CAPN13: variants seen among roughly 807,000 people sequenced by gnomAD.
CAPN13 encodes calpain 13.
A neutral mutation model predicts 98.4 loss-of-function variants in CAPN13; 90 were observed. The observed-to-expected ratio is 0.92, with a 90% CI of 0.77 to 1.09. The LOEUF is 1.09. Among genes scored for constraint, CAPN13 ranks in the 50% least tolerant of loss-of-function variants. The pLI is 0.00. For missense variants in CAPN13, 887 were observed against 841.3 expected, an observed-to-expected ratio of 1.05 and a Z score of -0.67; for synonymous variants, 330 against 305.5, an observed-to-expected ratio of 1.08 and a Z score of -0.84.
intron 1 of CAPN13, among the ~76,000 whole-genome samples, chr2:30,793,856 G>A (rs912260494): frequency 1.3e-5 from 2 of 151,692 alleles, no homozygotes; most frequent in African/African-American, 4.8e-5. Flanking sequence ...AATGGTGCTG[G>A]ATCAACAGGA....
At chr2:30,778,082 T>C (rs1191786594) in intron 2 of CAPN13, among the ~76,000 whole-genome samples, 1 of 152,200 alleles carries the variant, frequency 6.6e-6, no homozygotes, top group Non-Finnish European at 1.5e-5. Flanking sequence ...GAAATTAGCA[T>C]AGGTATTTTG....
chr2:30,743,068 T>C (rs376777757), intron 13 of CAPN13: 4 of 359,794 alleles, frequency 1.1e-5, no homozygotes, highest in Middle Eastern at 1.6e-3. Flanking sequence ...TATTAAATTA[T>C]GTTTTTCTTC....
At chr2:30,792,253 A>G (rs1407646996) in intron 1 of CAPN13, among the ~76,000 whole-genome samples, 1 of 152,160 alleles carries the variant, frequency 6.6e-6, no homozygotes, top group Non-Finnish European at 1.5e-5. Context: ...AACAGATAAA[A>G]TGAGCAAAGC....
At chr2:30,792,565 C>T (rs1259567853) in intron 1 of CAPN13, among the ~76,000 whole-genome samples, 2 of 151,938 alleles carry the variant, frequency 1.3e-5, no homozygotes, top group Non-Finnish European at 1.5e-5. Flanking sequence ...ATTTACTATC[C>T]AAAGCTTTCT....
intron 2 of CAPN13, among the ~76,000 whole-genome samples, chr2:30,784,640 C>T (rs1674166908): frequency 6.6e-6 from 1 of 152,164 alleles, no homozygotes; most frequent in Non-Finnish European, 1.5e-5. Context: ...CAGAATAGGA[C>T]ATAAGCTTAT....
intron 5 of CAPN13, among the ~76,000 whole-genome samples, chr2:30,767,318 C>T (rs774012641): frequency 1.4e-4 from 22 of 152,174 alleles, no homozygotes; most frequent in Non-Finnish European, 3.1e-4. Context: ...ACCTTTTAAA[C>T]AGCTTTAATA....
At chr2:30,747,612 C>G (rs1389416271) in intron 11 of CAPN13, among the ~76,000 whole-genome samples, 1 of 152,184 alleles carries the variant, frequency 6.6e-6, no homozygotes, top group Non-Finnish European at 1.5e-5. Flanking sequence ...TAAAGCAGAG[C>G]AGTGCTCCCA....
intron 11 of CAPN13, among the ~76,000 whole-genome samples, chr2:30,748,357 A>G (rs1460960301): frequency 6.6e-6 from 1 of 152,200 alleles, no homozygotes; most frequent in African/African-American, 2.4e-5. Context: ...CCTGGAAACT[A>G]TCTCAGGCTG....
chr2:30,800,314 A>T (rs1487878241), intron 1 of CAPN13, among the ~76,000 whole-genome samples: 1 of 152,186 alleles, frequency 6.6e-6, no homozygotes, highest in Non-Finnish European at 1.5e-5. Context: ...AGCTTGGCGC[A>T]AGAGAGGCAG....
At chr2:30,789,103 A>G (rs1674475140) in intron 1 of CAPN13, among the ~76,000 whole-genome samples, 1 of 152,148 alleles carries the variant, frequency 6.6e-6, no homozygotes, top group Non-Finnish European at 1.5e-5. Context: ...ATGTCTCACC[A>G]CTCAAAATAG....
chr2:30,803,378 T>G (rs922813268), intron 1 of CAPN13, among the ~76,000 whole-genome samples: 1 of 152,126 alleles, frequency 6.6e-6, no homozygotes, highest in Admixed American at 6.5e-5. Flanking sequence ...AGGGTCTTGT[T>G]CAGTCCTCTG....
intron 17 of CAPN13, among the ~76,000 whole-genome samples, chr2:30,736,964 G>A (rs575179407): frequency 6.6e-6 from 1 of 152,224 alleles, no homozygotes; most frequent in Admixed American, 6.5e-5. Context: ...GCGTGCACAA[G>A]TGTAGAGGGA....
At chr2:30,783,500 G>C (rs557262278) in intron 2 of CAPN13, among the ~76,000 whole-genome samples, 20 of 152,314 alleles carry the variant, frequency 1.3e-4, no homozygotes, top group African/African-American at 4.8e-4. Flanking sequence ...ATTGTTAGAG[G>C]AAGGAAGGAT....
At chr2:30,794,893 A>T (rs957729824) in intron 1 of CAPN13, among the ~76,000 whole-genome samples, 3 of 151,902 alleles carry the variant, frequency 2.0e-5, no homozygotes, top group African/African-American at 7.2e-5. Context: ...GGAGGGAGGA[A>T]TGGGTTTTGA....
chr2:30,798,153 T>C lies in CAPN13; in HGVS notation c.-33+9149A>G, dbSNP rs1052966787. On this transcript the variant is annotated intron_variant, in intron 1 of 22. Coordinates refer to ENST00000295055, the MANE Select transcript of CAPN13 (RefSeq NM_144575.3). ...ACGTAGCTATTGAGCACTTGAAAGA[T>C]GGCTAGTGCAATTCAGGGACTGGAT... Among the ~76,000 whole-genome samples the C allele has an allele frequency of 3.3e-5, 5 of 152,412 alleles. No homozygotes were observed. In the East Asian group the frequency reaches 9.6e-4, roughly 29 times the overall value.
intron 5 of CAPN13, among the ~76,000 whole-genome samples, chr2:30,766,648 G>A (rs1032369140): frequency 6.6e-5 from 10 of 152,232 alleles, no homozygotes; most frequent in African/African-American, 2.4e-4. Context: ...CCATCCCTCT[G>A]CTTCAGCCTC....
chr2:30,744,351 GC>G (rs1290854539), intron 12 of CAPN13, among the ~76,000 whole-genome samples: 1 of 152,186 alleles, frequency 6.6e-6, no homozygotes, highest in Non-Finnish European at 1.5e-5. Context: ...ATAGGCCACT[GC>G]CCCAGGGGTA....
chr2:30,749,155 G>A (rs1167650049), intron 11 of CAPN13, among the ~76,000 whole-genome samples: 9 of 152,158 alleles, frequency 5.9e-5, no homozygotes, highest in Admixed American at 5.2e-4. Context: ...TACTTCTGAA[G>A]TACAGGTTGA....
intron 12 of CAPN13, chr2:30,745,111 A>G (rs1470284870): frequency 2.3e-6 from 1 of 440,730 alleles, no homozygotes; most frequent in Non-Finnish European, 4.8e-6. Flanking sequence ...CCCCAGGCAG[A>G]TGCACCTCCC....
Sources: gnomAD v4.1 joint callset for allele counts (sites outside exome capture counted in the v4.1 genomes callset) on GRCh38, gnomAD v4.1.1 for gene constraint, MANE v1.5 for transcripts, NCBI Gene and HGNC (gene_info 2026-07-23, HGNC 2026-07-21) for gene names.